The following ZNF385B variants were observed in gnomAD, a reference collection of about 807,000 sequenced individuals.
ZNF385B encodes zinc finger protein 385B, also known as zinc finger protein 533.
Under a neutral mutation model 39.2 loss-of-function variants are expected in ZNF385B, and 23 were observed. That is an observed-to-expected ratio of 0.59 (90% CI 0.42 to 0.83). ZNF385B has a LOEUF of 0.83. ZNF385B is among the 40% of genes least tolerant of loss of function. ZNF385B has a pLI of 0.00. For missense variants in ZNF385B, 552 were observed against 598.9 expected, an observed-to-expected ratio of 0.92 and a Z score of 0.82; for synonymous variants, 205 against 222.6, an observed-to-expected ratio of 0.92 and a Z score of 0.70.
chr2:179,466,169 A>G (rs2051985862), intron 6 of ZNF385B, among the ~76,000 whole-genome samples: 1 of 152,208 alleles, frequency 6.6e-6, no homozygotes. Context: ...AGGTTAAAAC[A>G]ATTCTCTTGA....
intron 3 of ZNF385B, among the ~76,000 whole-genome samples, chr2:179,769,230 T>C (rs1703872335): frequency 6.6e-6 from 1 of 152,188 alleles, no homozygotes; most frequent in African/African-American, 2.4e-5. Flanking sequence ...TCAGAAGTGT[T>C]CACACATTGT....
intron 3 of ZNF385B, among the ~76,000 whole-genome samples, chr2:179,750,180 T>C (rs939199137): frequency 3.9e-5 from 6 of 152,146 alleles, no homozygotes; most frequent in Admixed American, 2.0e-4. Flanking sequence ...GCTGGAGCTC[T>C]GTCTCAAATT....
At chr2:179,595,799 C>T (rs1401338677) in intron 3 of ZNF385B, among the ~76,000 whole-genome samples, 2 of 150,984 alleles carry the variant, frequency 1.3e-5, no homozygotes, top group Admixed American at 1.3e-4. Flanking sequence ...CGTTATCGCA[C>T]CATTGCGCTC....
chr2:179,841,459 G>A (rs1039057003), intron 1 of ZNF385B, among the ~76,000 whole-genome samples: 2 of 152,192 alleles, frequency 1.3e-5, no homozygotes, highest in Non-Finnish European at 2.9e-5. Flanking sequence ...GCAAGACAGA[G>A]CTCTGGGAAG....
intron 1 of ZNF385B, among the ~76,000 whole-genome samples, chr2:179,773,674 G>T (rs1423608079): frequency 6.6e-6 from 1 of 152,126 alleles, no homozygotes; most frequent in Non-Finnish European, 1.5e-5. Flanking sequence ...GAATAGGTAG[G>T]CAGAGGGCAA....
At chr2:179,645,172 G>A (rs1338878471) in intron 3 of ZNF385B, among the ~76,000 whole-genome samples, 7 of 152,256 alleles carry the variant, frequency 4.6e-5, no homozygotes, top group African/African-American at 9.6e-5. Flanking sequence ...TGAAAGAAAC[G>A]TCTAACTTTA....
At chr2:179,606,309 GC>G (rs1688796279) in intron 3 of ZNF385B, among the ~76,000 whole-genome samples, 1 of 152,106 alleles carries the variant, frequency 6.6e-6, no homozygotes, top group African/African-American at 2.4e-5. Context: ...AACATCACGT[GC>G]CGACATTTCT....
intron 5 of ZNF385B, among the ~76,000 whole-genome samples, chr2:179,496,217 A>G (rs2056186809): frequency 6.6e-6 from 1 of 152,238 alleles, no homozygotes; most frequent in Non-Finnish European, 1.5e-5. Context: ...GAGTTCTTTA[A>G]TAGCAGAATT....
At chr2:179,558,533 T>C (rs1254802543) in intron 3 of ZNF385B, among the ~76,000 whole-genome samples, 2 of 152,178 alleles carry the variant, frequency 1.3e-5, no homozygotes, top group Non-Finnish European at 2.9e-5. Context: ...AAGGTTTCTT[T>C]AGCTTAAATA....
intron 3 of ZNF385B, among the ~76,000 whole-genome samples, chr2:179,612,251 A>T (rs1337306257): frequency 1.3e-5 from 2 of 152,094 alleles, no homozygotes; most frequent in Non-Finnish European, 2.9e-5. Flanking sequence ...TGGTGAGGTC[A>T]TGTTTTCCTG....
intron 3 of ZNF385B, among the ~76,000 whole-genome samples, chr2:179,573,117 A>G (rs1448005285): frequency 6.6e-6 from 1 of 152,212 alleles, no homozygotes; most frequent in African/African-American, 2.4e-5. Flanking sequence ...TGTTAACCTA[A>G]TAAATGTTGA....
intron 3 of ZNF385B, among the ~76,000 whole-genome samples, chr2:179,638,656 G>C (rs1196615281): frequency 6.6e-6 from 1 of 152,016 alleles, no homozygotes; most frequent in Non-Finnish European, 1.5e-5. Context: ...CCACTGAGAG[G>C]ACCTAGAAGC....
rs1250432344 is a variant in ZNF385B at position 179,769,657 on chromosome 2, G to C, written c.144C>G (p.Phe48Leu). 6.2e-7 allele frequency: 1 copy of C among 1,614,170 alleles called. No homozygotes were observed. Among genetic ancestry groups the C allele is most frequent in the Non-Finnish European group, 8.5e-7 (1 of 1,180,042 alleles). The change falls in exon 3 of 10, where the codon TTC (phenylalanine) becomes TTG (leucine). Residue 48 changes from phenylalanine (F) to leucine (L), a missense_variant. Transcript: ENST00000410066. ...QLSKEKKKIL[F>L]SFCEVCNIQL... ...GGATGTTGCACACCTCACAGAAGGA[G>C]AAAAGAATTTTCTTTTTCTCTTTGC... is the stretch of plus-strand genomic sequence containing the variant.
rs558334182 is a variant in ZNF385B at position 179,470,807 on chromosome 2, GCCTGCTGTTCAAGCCAGC to G, written c.715+12447_715+12464del. 9.1e-3 allele frequency among the ~76,000 whole-genome samples: 1,392 copies of G among 152,250 alleles called. 28 individuals are homozygous for G. The highest frequency in any genetic ancestry group is 0.025 in the East Asian group (128 of 5,184). ...AAATGTGGATCTAGGACCCCTGTAA[GCCTGCTGTTCAAGCCAGC>G]CCAGCAAGCTGGTCAGTTACAAACT... is the stretch of plus-strand genomic sequence containing the variant. On this transcript the variant is annotated intron_variant, in intron 6 of 9. Transcript: ENST00000410066.
At position 179,443,184 on chromosome 2, in the gene ZNF385B, G is replaced by A. The variant is rs1416275074; in HGVS notation, c.*66C>T. 4 of 1,586,584 alleles carry A rather than the reference G, an allele frequency of 2.5e-6. No individual in the cohort carries two copies. The highest frequency in any genetic ancestry group is 2.6e-6 in the Non-Finnish European group (3 of 1,158,686). On this transcript the variant is annotated 3_prime_UTR_variant, in exon 10 of 10. Coordinates refer to ENST00000410066, the MANE Select transcript of ZNF385B (RefSeq NM_152520.6). ...TACTGCAACACAAACTGCTTAAATT[G>A]CTGAATCCTTGTGGCTTTCTTTCTC...
intron 4 of ZNF385B, among the ~76,000 whole-genome samples, chr2:179,534,397 A>G (rs1488135118): frequency 6.6e-6 from 1 of 152,176 alleles, no homozygotes. Context: ...ACATAATCTC[A>G]TTTGATATTT....
chr2:179,814,034 A>T (rs1706900930), intron 1 of ZNF385B, among the ~76,000 whole-genome samples: 1 of 152,270 alleles, frequency 6.6e-6, no homozygotes, highest in Non-Finnish European at 1.5e-5. Context: ...GCTATTTAAA[A>T]TAGTTATTTA....
At chr2:179,766,348 T>A (rs1441291863) in intron 3 of ZNF385B, among the ~76,000 whole-genome samples, 2 of 152,244 alleles carry the variant, frequency 1.3e-5, no homozygotes, top group East Asian at 3.9e-4. Flanking sequence ...TTTTTCTCTG[T>A]GGGCATGAAA....
intron 1 of ZNF385B, among the ~76,000 whole-genome samples, chr2:179,804,137 A>G (rs957503169): frequency 2.6e-5 from 4 of 152,180 alleles, no homozygotes; most frequent in Non-Finnish European, 5.9e-5. Flanking sequence ...CTCTGTGTGT[A>G]TCCAAAGGGA....
Sources: gnomAD v4.1 joint callset for allele counts (sites outside exome capture counted in the v4.1 genomes callset) on GRCh38, gnomAD v4.1.1 for gene constraint, MANE v1.5 for transcripts, NCBI Gene and HGNC (gene_info 2026-07-23, HGNC 2026-07-21) for gene names.